The following USP8 variants were observed in gnomAD, a reference collection of about 807,000 sequenced individuals.
USP8 encodes ubiquitin specific peptidase 8.
In USP8, 27 loss-of-function variants were observed where a neutral mutation model predicts 130.0. The ratio of observed to expected loss-of-function variants is 0.21; its 90% CI spans 0.15 to 0.29. The LOEUF (loss-of-function observed/expected upper bound fraction) is 0.29, where lower values mean the gene tolerates loss of function less well. USP8 is among the 10% of genes least tolerant of loss of function. The pLI is 1.00. For synonymous variants in USP8, 392 were observed against 444.1 expected (o/e 0.88, Z 1.48); for missense variants, 1,029 against 1,312.2 (o/e 0.78, Z 3.33).
At position 50,477,017 on chromosome 15, in the gene USP8, T is replaced by G. The variant is rs757958636; in HGVS notation, c.994+24T>G. ...ATGTATGTATGTGAAAATTTTTGTT[T>G]AAAATTGCTTTGGTAAAATATGGTT... On this transcript the variant is annotated intron_variant, in intron 9 of 19. Transcript: ENST00000307179. 6.9e-6 allele frequency: 11 copies of G among 1,593,260 alleles called. No individual in the cohort carries two copies. The East Asian group carries it at 1.1e-4, about 16-fold the overall frequency.
In USP8 at chr15:50,509,066, G is replaced by GCGC. The variant is rs2052702535; in HGVS notation, c.*9978_*9979insCGC. The GCGC allele has an allele frequency of 2.1e-5, 3 of 143,372 alleles. No homozygotes were observed. The highest frequency in any genetic ancestry group is 3.0e-5 in the Non-Finnish European group (2 of 66,756). The allele number at this position is 143,372 out of a possible 1,614,324, so 8.9% of individuals were successfully genotyped here. A position where few individuals can be genotyped will look rare whatever the true frequency, so the allele number is the denominator to read the frequency against. On this transcript the variant is annotated 3_prime_UTR_variant, in exon 20 of 20. Coordinates refer to ENST00000307179, the MANE Select transcript of USP8 (RefSeq NM_005154.5). ...GGAGAATGGCGTGAACCCGGGGTCG[G>GCGC]AGCTTGCAGTGAGCCAAGATCGCGC...
Position 50,509,998 on chromosome 15 carries a change from A to G in USP8, c.*10910A>G, listed in dbSNP as rs1189615330. On this transcript the variant is annotated 3_prime_UTR_variant, in exon 20 of 20. Transcript: ENST00000307179. ...AGATATCAATGTTTATTTCAAAGCT[A>G]TAGCTATAATTAATATTCATAAGCT... 1 of 152,136 alleles carries G rather than the reference A, an allele frequency of 6.6e-6. No individual in the cohort carries two copies. Among genetic ancestry groups the G allele is most frequent in the Non-Finnish European group, 1.5e-5 (1 of 68,016 alleles). 9.4% of individuals were successfully genotyped at this position (152,136 alleles called of 1,614,324 possible).
intron 8 of USP8, 106 bp downstream of exon 8, chr15:50,471,901 C>CAT: frequency 8.6e-7 from 1 of 1,159,876 alleles, no homozygotes; most frequent in Non-Finnish European, 1.2e-6. Flanking sequence ...ATTCATCATG[C>CAT]CTTTTTTTTT....
chr15:50,490,806 C>CA (rs774416770), intron 14 of USP8, among the ~76,000 whole-genome samples: 8 of 152,164 alleles, frequency 5.3e-5, no homozygotes, highest in Non-Finnish European at 8.8e-5. Context: ...AGAGTACCCT[C>CA]ACGTTTTTCA....
chr15:50,453,872 T>TTTTC (rs1252758149), intron 4 of USP8, among the ~76,000 whole-genome samples: 3 of 142,780 alleles, frequency 2.1e-5, no homozygotes, highest in East Asian at 4.1e-4. Context: ...TTTTTTTTTT[T>TTTTC]TTTTTTTTTT....
intron 5 of USP8, among the ~76,000 whole-genome samples, chr15:50,461,153 C>T (rs1206024408): frequency 2.6e-5 from 4 of 152,038 alleles, no homozygotes; most frequent in South Asian, 2.1e-4. Flanking sequence ...CCACCACGCC[C>T]GGCTAATTTT....
intron 19 of USP8, 80 bp from the exon 20 acceptor site, chr15:50,498,823 A>C (rs1337300262): frequency 6.5e-7 from 1 of 1,550,188 alleles, no homozygotes; most frequent in African/African-American, 1.4e-5. Context: ...TAAGAACAAC[A>C]TAAAGCTTTG....
chr15:50,450,462 C>CTTTTTTTTTTT lies in USP8; in HGVS notation c.335+991_335+1001dup, dbSNP rs35800074. On this transcript the variant is annotated intron_variant, in intron 4 of 19. Coordinates refer to ENST00000307179, the MANE Select transcript of USP8 (RefSeq NM_005154.5). ...TTTCAGTTTTTAGTCGTTAGTCATT[C>CTTTTTTTTTTT]TTTTTTTTTTTTTTTTTTTTTTTTG... 2.0e-4 allele frequency among the ~76,000 whole-genome samples: 16 copies of CTTTTTTTTTTT among 80,452 alleles called. 1 individual carries two copies. Among genetic ancestry groups the CTTTTTTTTTTT allele is most frequent in the African/African-American group, 4.5e-4 (10 of 22,336 alleles). 52.8% of individuals were successfully genotyped at this position (80,452 alleles called of 152,430 possible).
At chr15:50,469,613 A>G (rs190760464) in intron 7 of USP8, among the ~76,000 whole-genome samples, 2 of 152,146 alleles carry the variant, frequency 1.3e-5, no homozygotes, top group African/African-American at 4.8e-5. Flanking sequence ...AAGATACAGT[A>G]ACCAACATTA....
rs1421879866 is a variant in USP8, at chr15:50,433,538, CCA to C, written c.-65-5470_-65-5469del. On this transcript the variant is annotated intron_variant, in intron 1 of 19. Transcript: ENST00000307179. ...ACCTTTTAGTCTTCACTTTGTGGTT[CCA>C]GTCATCAAATCCCTACTCTTTGTCT... 2.0e-5 allele frequency among the ~76,000 whole-genome samples: 3 copies of C among 152,262 alleles called. No individual in the cohort carries two copies. In the South Asian group the frequency reaches 6.2e-4, roughly 32 times the overall value.
Position 50,481,475 on chromosome 15 carries a change from C to G in USP8, c.1219-6C>G, listed in dbSNP as rs1262153955. 3.2e-6 allele frequency: 5 copies of G among 1,565,388 alleles called. No individual in the cohort carries two copies. Among genetic ancestry groups the G allele is most frequent in the Middle Eastern group, 1.7e-4 (1 of 5,804 alleles). On this transcript the variant is annotated splice_polypyrimidine_tract_variant and splice_region_variant and intron_variant, in intron 10 of 19. Transcript: ENST00000307179. ...AAAATGTTTTGCTCTGGTTTTGTTG[C>G]TCTAGATTGATCGTACTAAAAAACC...
intron 12 of USP8, among the ~76,000 whole-genome samples, chr15:50,488,373 T>A (rs546977821): frequency 6.6e-6 from 1 of 152,170 alleles, no homozygotes; most frequent in South Asian, 2.1e-4. Flanking sequence ...AGCACACATA[T>A]TCTATTTATT....
intron 5 of USP8, among the ~76,000 whole-genome samples, chr15:50,460,459 CCA>C (rs1157310598): frequency 5.9e-5 from 9 of 151,472 alleles, no homozygotes; most frequent in Non-Finnish European, 5.9e-5. Context: ...CAGGCACCCA[CCA>C]CCATGCCCAG....
intron 8 of USP8, among the ~76,000 whole-genome samples, chr15:50,475,689 G>A (rs1442300496): frequency 3.3e-5 from 5 of 152,004 alleles, no homozygotes; most frequent in African/African-American, 4.8e-5. Context: ...TGCAACCTCC[G>A]CCTCTCGGGT....
chr15:50,502,335 T>G lies in USP8; in HGVS notation c.*3247T>G, dbSNP rs539689714. On this transcript the variant is annotated 3_prime_UTR_variant, in exon 20 of 20. Coordinates refer to ENST00000307179, the MANE Select transcript of USP8 (RefSeq NM_005154.5). ...TGTGTTAGCCAGGATGGTCTCGATC[T>G]CGACCTCGGGATCCTCCCACTTCGG... is the stretch of plus-strand genomic sequence containing the variant. 1 of 152,190 alleles carries G rather than the reference T, an allele frequency of 6.6e-6. No individual in the cohort carries two copies. The highest frequency in any genetic ancestry group is 1.5e-5 in the Non-Finnish European group (1 of 68,186). 9.4% of individuals were successfully genotyped at this position (152,190 alleles called of 1,614,324 possible).
intron 12 of USP8, among the ~76,000 whole-genome samples, chr15:50,485,382 G>A (rs979852523): frequency 2.0e-5 from 3 of 150,986 alleles, no homozygotes; most frequent in African/African-American, 7.3e-5. Context: ...CCAGGGAGGC[G>A]GAGCTTGCAG....
intron 6 of USP8, among the ~76,000 whole-genome samples, chr15:50,464,646 C>G (rs2051122776): frequency 6.6e-6 from 1 of 152,194 alleles, no homozygotes; most frequent in African/African-American, 2.4e-5. Context: ...CGCTTGAGGT[C>G]AGGAGTTCCA....
At chr15:50,441,968 T>TC (rs2050275162) in intron 3 of USP8, among the ~76,000 whole-genome samples, 1 of 131,924 alleles carries the variant, frequency 7.6e-6, no homozygotes, top group Non-Finnish European at 1.6e-5. Context: ...ACTCCCTAAA[T>TC]CTTTTTTTTT....
rs1595907373 is a variant in USP8, at chr15:50,441,247, G to C, written c.105-102G>C. On this transcript the variant is annotated intron_variant, in intron 2 of 19. Transcript: ENST00000307179. The stretch of plus-strand genomic sequence containing the variant: ...ACCAGTACCAATCTGTGGCCCTGGG[G>C]TTGGGGATCCCTGATAAAGATTATC... 16 of 1,168,622 alleles carry C rather than the reference G, an allele frequency of 1.4e-5. No individual in the cohort carries two copies. In the East Asian group the frequency reaches 4.2e-4, roughly 31 times the overall value. The allele number at this position is 1,168,622 out of a possible 1,614,324, so 72.4% of individuals were successfully genotyped here. A position where few individuals can be genotyped will look rare whatever the true frequency, so the allele number is the denominator to read the frequency against.
Sources: allele counts gnomAD v4.1 joint callset (sites outside exome capture counted in the v4.1 genomes callset), GRCh38; gene constraint gnomAD v4.1.1; transcripts MANE v1.5; gene names NCBI Gene and HGNC (gene_info 2026-07-23, HGNC 2026-07-21).